The following LRP12 variants were observed in gnomAD, a reference collection of about 807,000 sequenced individuals.
The protein encoded by LRP12 is low-density lipoprotein receptor-related protein 12.
A neutral mutation model predicts 66.0 loss-of-function variants in LRP12; 14 were observed. The ratio of observed to expected loss-of-function variants is 0.21; its 90% CI spans 0.14 to 0.33. LRP12 has a LOEUF of 0.33. Among genes scored for constraint, LRP12 ranks in the 10% least tolerant of loss-of-function variants. The pLI is 1.00. For missense variants in LRP12, 889 were observed against 1,053.4 expected, an observed-to-expected ratio of 0.84 and a Z score of 2.16; for synonymous variants, 357 against 359.1, an observed-to-expected ratio of 0.99 and a Z score of 0.07.
intron 1 of LRP12, among the ~76,000 whole-genome samples, chr8:104,553,640 A>G (rs1022856293): frequency 1.3e-5 from 2 of 152,118 alleles, no homozygotes; most frequent in East Asian, 3.9e-4. Flanking sequence ...CCCCCACCTG[A>G]TGATCTTTTT....
Position 104,491,117 on chromosome 8 carries a change from T to C in LRP12, c.2136A>G (p.Thr712=). 1.2e-6 allele frequency: 2 copies of C among 1,614,138 alleles called. No homozygotes were observed. The highest frequency in any genetic ancestry group is 1.7e-6 in the Non-Finnish European group (2 of 1,180,020). ...GGHADNGRDV[T]SVEPPSVSPA... is the part of the protein sequence containing the mutation. ...GACTCACACTTGGGGGTTCCACACT[T>C]GTCACATCCCTTCCATTATCTGCAT... The change falls in exon 7 of 7, where the codon ACA becomes ACG. Residue 712 remains threonine (T), a synonymous_variant. Coordinates refer to ENST00000276654, the MANE Select transcript of LRP12 (RefSeq NM_013437.5).
intron 1 of LRP12, among the ~76,000 whole-genome samples, chr8:104,541,152 C>T (rs776466393): frequency 7.2e-5 from 11 of 152,150 alleles, no homozygotes; most frequent in Non-Finnish European, 1.0e-4. Context: ...ATAATGACAA[C>T]GAACTACTAT....
At position 104,589,162 on chromosome 8, in the gene LRP12, C is replaced by A. The variant is rs1812395613; in HGVS notation, c.-265G>T. 2 of 167,580 alleles carry A rather than the reference C, an allele frequency of 1.2e-5. No homozygotes were observed. Among genetic ancestry groups the A allele is most frequent in the Non-Finnish European group, 2.5e-5 (2 of 79,214 alleles). 10.4% of individuals were successfully genotyped at this position (167,580 alleles called of 1,614,324 possible). A position where few individuals can be genotyped will look rare whatever the true frequency, so the allele number is the denominator to read the frequency against. On this transcript the variant is annotated 5_prime_UTR_variant, in exon 1 of 7. Coordinates refer to ENST00000276654, the MANE Select transcript of LRP12 (RefSeq NM_013437.5). ...GGGGCGGCCCTCCTGGGGGCAAGGG[C>A]AAGGAGCTCGCGCGCCAGCGCGAGA... is the stretch of plus-strand genomic sequence containing the variant.
At chr8:104,585,946 G>A (rs1812323855) in intron 1 of LRP12, among the ~76,000 whole-genome samples, 1 of 152,212 alleles carries the variant, frequency 6.6e-6, no homozygotes, top group Admixed American at 6.5e-5. Context: ...ACATCCCTAT[G>A]TGAAAAATGA....
At chr8:104,516,018 T>A (rs1811067961) in intron 2 of LRP12, among the ~76,000 whole-genome samples, 1 of 152,166 alleles carries the variant, frequency 6.6e-6, no homozygotes, top group East Asian at 1.9e-4. Flanking sequence ...CCTCCCAGAG[T>A]ACTGGGATTA....
In LRP12 at chr8:104,495,576, T is replaced by C. The variant is rs539989280; in HGVS notation, c.1581-367A>G. 2.0e-3 allele frequency: 317 copies of C among 159,362 alleles called. 9 individuals are homozygous for C. The South Asian group carries it at 0.06, about 30-fold the overall frequency. The allele number at this position is 159,362 out of a possible 1,614,324, so 9.9% of individuals were successfully genotyped here. ...CCAGCTGGGATCTTTGACTCTTCAT[T>C]GTGCTCTTTTGTTGCAATGTGGTAA... On this transcript the variant is annotated intron_variant, in intron 5 of 6. Coordinates refer to ENST00000276654, the MANE Select transcript of LRP12 (RefSeq NM_013437.5).
intron 1 of LRP12, among the ~76,000 whole-genome samples, chr8:104,542,502 A>C (rs949796914): frequency 6.6e-6 from 1 of 152,140 alleles, no homozygotes; most frequent in Non-Finnish European, 1.5e-5. Context: ...TTTAATTTTC[A>C]GGACAGTCTA....
At chr8:104,587,645 T>TCAAAAGCCAC (rs1430976102) in intron 1 of LRP12, among the ~76,000 whole-genome samples, 1 of 152,204 alleles carries the variant, frequency 6.6e-6, no homozygotes, top group African/African-American at 2.4e-5. Context: ...TTGCCAGGTT[T>TCAAAAGCCAC]CAAAAGCCAC....
At chr8:104,536,966 A>G (rs1035073697) in intron 1 of LRP12, among the ~76,000 whole-genome samples, 5 of 152,058 alleles carry the variant, frequency 3.3e-5, no homozygotes, top group Admixed American at 1.3e-4. Context: ...ATGAAAAAAG[A>G]TTAAAAGAAA....
At chr8:104,491,651 A>G (rs566674181) in intron 6 of LRP12, 112 bp from the exon 7 acceptor site, 2 of 893,244 alleles carry the variant, frequency 2.2e-6, no homozygotes, top group Admixed American at 6.7e-5. Flanking sequence ...TCTGTTACTC[A>G]TTGTTGCTTT....
chr8:104,539,552 A>T (rs1428200713), intron 1 of LRP12, among the ~76,000 whole-genome samples: 2 of 152,144 alleles, frequency 1.3e-5, no homozygotes, highest in African/African-American at 4.8e-5. Flanking sequence ...TCTGGATTTG[A>T]GATTTGTACA....
At chr8:104,504,280 C>T (rs1810872768) in intron 3 of LRP12, 1 of 151,836 alleles carries the variant, frequency 6.6e-6, no homozygotes, top group Non-Finnish European at 1.5e-5. Flanking sequence ...TATCTATTTT[C>T]CTGAGTTTTT....
At chr8:104,548,069 T>C (rs1425014122) in intron 1 of LRP12, among the ~76,000 whole-genome samples, 2 of 119,824 alleles carry the variant, frequency 1.7e-5, no homozygotes, top group Admixed American at 1.1e-4. Flanking sequence ...GTATATAATA[T>C]ATAATTCTGT....
chr8:104,531,964 C>G lies in LRP12; in HGVS notation c.80-1G>C, dbSNP rs1811330643. ...GAATGTTCTGCAAGAGCACCATTTC[C>G]TAAAATTAAACATAATGAATAAACT... On this transcript the variant is annotated splice_acceptor_variant, in intron 1 of 6. Transcript: ENST00000276654. LOFTEE classifies it high-confidence loss of function. 3.8e-6 allele frequency: 6 copies of G among 1,581,012 alleles called. No homozygotes were observed. Among genetic ancestry groups the G allele is most frequent in the Non-Finnish European group, 5.2e-6 (6 of 1,163,686 alleles).
chr8:104,532,195 T>C (rs926067478), intron 1 of LRP12, among the ~76,000 whole-genome samples: 6 of 149,754 alleles, frequency 4.0e-5, no homozygotes, highest in Non-Finnish European at 8.8e-5. Context: ...AAAGGTCAAA[T>C]AGATAGATCT....
chr8:104,540,805 C>T lies in LRP12; in HGVS notation c.80-8842G>A, dbSNP rs570920427. Among the ~76,000 whole-genome samples the T allele has an allele frequency of 1.8e-4, 28 of 152,350 alleles. 1 individual carries two copies. In the South Asian group the frequency reaches 5.6e-3, roughly 30 times the overall value. On this transcript the variant is annotated intron_variant, in intron 1 of 6. Coordinates refer to ENST00000276654, the MANE Select transcript of LRP12 (RefSeq NM_013437.5). ...CTAGAGTGCTGTGGCACGATCTCAG[C>T]TCACTGCAAACTCCGACTCCCTGGT...
At chr8:104,548,354 ATATATATTATATAAATATATTATATAAAT>A (rs1564142268) in intron 1 of LRP12, among the ~76,000 whole-genome samples, 6 of 56,976 alleles carry the variant, frequency 1.1e-4, no homozygotes, top group South Asian at 8.9e-4. Context: ...TAAATATATA[ATATATATTATATAAATATATTATATAAAT>A]ATATAATATA....
intron 1 of LRP12, among the ~76,000 whole-genome samples, 182 bp downstream of exon 1, chr8:104,588,637 G>A (rs981512126): frequency 1.3e-5 from 2 of 152,198 alleles, no homozygotes; most frequent in South Asian, 2.1e-4. Flanking sequence ...TGGACGAGTG[G>A]AGAAAAGCAT....
intron 2 of LRP12, among the ~76,000 whole-genome samples, chr8:104,515,908 T>C (rs1218360946): frequency 6.6e-6 from 1 of 152,208 alleles, no homozygotes; most frequent in Non-Finnish European, 1.5e-5. Context: ...TGCATCAATG[T>C]TTTAAATTTA....
Sources: allele counts gnomAD v4.1 joint callset (sites outside exome capture counted in the v4.1 genomes callset), GRCh38; gene constraint gnomAD v4.1.1; transcripts MANE v1.5; gene names NCBI Gene and HGNC (gene_info 2026-07-23, HGNC 2026-07-21).